Variants in NRAP observed in about 807,000 individuals in gnomAD.
The protein encoded by NRAP is nebulin related anchoring protein.
In NRAP, 189 loss-of-function variants were observed where a neutral mutation model predicts 225.9. The ratio of observed to expected loss-of-function variants is 0.84; its 90% CI spans 0.74 to 0.94. NRAP has a LOEUF of 0.94. NRAP is among the 40% of genes least tolerant of loss of function. NRAP has a pLI of 0.00. For synonymous variants in NRAP, 769 were observed against 790.7 expected (o/e 0.97, Z 0.46); for missense variants, 2,176 against 2,168.7 (o/e 1.00, Z -0.07).
At chr10:113,633,702 T>C (rs1172806366) in intron 15 of NRAP, among the ~76,000 whole-genome samples, 1 of 152,232 alleles carries the variant, frequency 6.6e-6, no homozygotes, top group Non-Finnish European at 1.5e-5. Context: ...GTTAGATTTT[T>C]GATGTGATAT....
At chr10:113,612,180 C>T (rs1019209382) in intron 30 of NRAP, 54 bp downstream of exon 30, 8 of 1,474,556 alleles carry the variant, frequency 5.4e-6, no homozygotes, top group Middle Eastern at 3.8e-4. Flanking sequence ...GAGGTCACCA[C>T]CCTGAGGTCC....
At chr10:113,622,851 G>C (rs1465778333) in intron 23 of NRAP, among the ~76,000 whole-genome samples, 1 of 152,174 alleles carries the variant, frequency 6.6e-6, no homozygotes, top group African/African-American at 2.4e-5. Flanking sequence ...ACAAGATAAA[G>C]AGCTTATGTC....
intron 24 of NRAP, 25 bp downstream of exon 24, chr10:113,621,844 G>A (rs1848008072): frequency 6.3e-7 from 1 of 1,581,232 alleles, no homozygotes; most frequent in African/African-American, 1.3e-5. Context: ...ACACACACAA[G>A]TGCACACACT....
Position 113,657,355 on chromosome 10 carries a change from AC to A in NRAP, c.360+114del, listed in dbSNP as rs1850369621. The stretch of plus-strand genomic sequence containing the variant: ...CTTCCATAGACAGCTGGAATTACAA[AC>A]TGGGTGAAAGGAAACCTACTTGGTT... On this transcript the variant is annotated intron_variant, in intron 4 of 41. Transcript: ENST00000359988. 1.6e-5 allele frequency: 10 copies of A among 642,818 alleles called. No homozygotes were observed. In the South Asian group the frequency reaches 1.9e-4, roughly 12 times the overall value. The allele number at this position is 642,818 out of a possible 1,614,324, so 39.8% of individuals were successfully genotyped here.
At chr10:113,650,243 G>A (rs995982462) in intron 8 of NRAP, 102 bp from the exon 9 acceptor site, 7 of 835,196 alleles carry the variant, frequency 8.4e-6, no homozygotes, top group Non-Finnish European at 1.4e-5. Context: ...TTTCTGCTTG[G>A]ATCTAGGGAG....
chr10:113,641,395 A>G lies in NRAP; in HGVS notation c.1293T>C (p.His431=), dbSNP rs371249910. 7.1e-5 allele frequency: 114 copies of G among 1,613,590 alleles called. 2 individuals are homozygous for G. In the South Asian group the frequency reaches 1.2e-3, roughly 17 times the overall value. ...EGVGMDRRTL[H]AMKVGSLASN... ...TTGCCAGGCTGCCAACTTTCATAGC[A>G]TGCAGAGTGCGTCTGTCCATACCAA... The change falls in exon 13 of 42, where the codon CAT becomes CAC. Residue 431 remains histidine, a synonymous_variant. Coordinates refer to ENST00000359988, the MANE Select transcript of NRAP (RefSeq NM_198060.4).
intron 26 of NRAP, 70 bp from the exon 27 acceptor site, chr10:113,615,886 T>C: frequency 2.3e-6 from 2 of 888,860 alleles, no homozygotes; most frequent in Non-Finnish European, 3.7e-6. Flanking sequence ...AGGTTACGCT[T>C]CAAGAGTCCA....
At position 113,646,929 on chromosome 10, in the gene NRAP, A is replaced by G. The variant is rs1319651200; in HGVS notation, c.987T>C (p.Ala329=). Residue 329 remains alanine, a synonymous_variant, in exon 10 of 42, where the codon GCT becomes GCC. Transcript: ENST00000359988. ...ACACCTACATGGTACTTACGTCACTAGCGAGTTCGTGAGCTTTCTTGGCGT... is the reference window on the plus strand; with the variant it reads ...ACACCTACATGGTACTTACGTCACTGGCGAGTTCGTGAGCTTTCTTGGCGT... ...YQNAKKAHEL[A]SDIKYRQDFN... 6.2e-7 allele frequency: 1 copy of G among 1,611,422 alleles called. No homozygotes were observed. Among genetic ancestry groups the G allele is most frequent in the East Asian group, 2.2e-5 (1 of 44,870 alleles).
chr10:113,651,972 G>T (rs1401056575), intron 6 of NRAP, 65 bp from the exon 7 acceptor site: 20 of 990,256 alleles, frequency 2.0e-5, no homozygotes, highest in Non-Finnish European at 3.3e-5. Context: ...ACCTCTCCCT[G>T]TGGCTCTCCT....
intron 29 of NRAP, among the ~76,000 whole-genome samples, chr10:113,613,927 G>C (rs1239236437): frequency 3.3e-5 from 5 of 152,164 alleles, no homozygotes; most frequent in African/African-American, 1.2e-4. Flanking sequence ...ATCCAGACCA[G>C]TGGCCCATGT....
At position 113,597,143 on chromosome 10, in the gene NRAP, T is replaced by C. The variant is rs369765636; in HGVS notation, c.4374A>G (p.Thr1458=). 6.3e-5 allele frequency: 101 copies of C among 1,613,640 alleles called. No homozygotes were observed. The highest frequency in any genetic ancestry group is 8.5e-5 in the Non-Finnish European group (100 of 1,179,616). The change falls in exon 37 of 42, where the codon ACA becomes ACG. Residue 1458 remains threonine (T), a synonymous_variant. Transcript: ENST00000359988. The part of the protein sequence containing the change: ...RKKPDSIKFT[T]VVDSPDLVHA... ...GAACCAGGTCTGGGGAGTCAACCAC[T>C]GTGGTGAACTTGATACTGTCTGGTT... is the stretch of plus-strand genomic sequence containing the variant.
At position 113,612,095 on chromosome 10, in the gene NRAP, A is replaced by T. The variant is rs184162528; in HGVS notation, c.3498+139T>A. 1.7e-4 allele frequency: 108 copies of T among 647,116 alleles called. No individual in the cohort carries two copies. In the East Asian group the frequency reaches 2.8e-3, roughly 17 times the overall value. The allele number at this position is 647,116 out of a possible 1,614,324, so 40.1% of individuals were successfully genotyped here. On this transcript the variant is annotated intron_variant, in intron 30 of 41. Transcript: ENST00000359988. The stretch of plus-strand genomic sequence containing the variant: ...GCTTAAGGGATGTGCAGGAACTCTC[A>T]GACTGGGTTTCAAAATAAGACTTGG...
At chr10:113,649,774 C>A (rs1195127949) in intron 9 of NRAP, among the ~76,000 whole-genome samples, 2 of 152,166 alleles carry the variant, frequency 1.3e-5, no homozygotes, top group Non-Finnish European at 2.9e-5. Flanking sequence ...GGAATGCTTT[C>A]TTCTTGGCCA....
At chr10:113,589,893 A>C (rs1845851875) in intron 40 of NRAP, 96 bp from the exon 41 acceptor site, 1 of 1,366,236 alleles carries the variant, frequency 7.3e-7, no homozygotes, top group African/African-American at 1.4e-5. Flanking sequence ...CCACAGTATG[A>C]GACTATGTTG....
intron 12 of NRAP, among the ~76,000 whole-genome samples, chr10:113,642,432 C>T (rs551461598): frequency 6.6e-6 from 1 of 152,158 alleles, no homozygotes; most frequent in South Asian, 2.1e-4. Context: ...TAGTATAGGT[C>T]TTTGATGTCC....
At chr10:113,613,662 G>A (rs1314778634) in intron 29 of NRAP, among the ~76,000 whole-genome samples, 1 of 152,068 alleles carries the variant, frequency 6.6e-6, no homozygotes, top group Non-Finnish European at 1.5e-5. Flanking sequence ...CAGGGGCCAG[G>A]CAGGTAGCAT....
chr10:113,651,884 A>G lies in NRAP; in HGVS notation c.594T>C (p.Asp198=). ...ASQVEYKRGH[D]ERISRFSTVV... is the part of the protein sequence containing the mutation. The stretch of plus-strand genomic sequence containing the variant: ...CCGTGGAGAACCTGGAGATGCGTTC[A>G]TCATGCCCTCTCTTATACTCCACCT... Residue 198 remains aspartate, a synonymous_variant, in exon 7 of 42, where the codon GAT becomes GAC. Coordinates refer to ENST00000359988, the MANE Select transcript of NRAP (RefSeq NM_198060.4). The G allele has an allele frequency of 1.2e-6, 2 of 1,612,766 alleles. No homozygotes were observed. Among genetic ancestry groups the G allele is most frequent in the Non-Finnish European group, 1.7e-6 (2 of 1,178,850 alleles).
At chr10:113,618,495 C>G (rs1055161449) in intron 25 of NRAP, among the ~76,000 whole-genome samples, 1 of 152,244 alleles carries the variant, frequency 6.6e-6, no homozygotes, top group Non-Finnish European at 1.5e-5. Flanking sequence ...TGGCCATTTT[C>G]CAGCTAGTTG....
rs764886299 is a variant in NRAP at position 113,629,798 on chromosome 10, A to G, written c.1843-13T>C. 2 of 1,587,554 alleles carry G rather than the reference A, an allele frequency of 1.3e-6. No homozygotes were observed. Among genetic ancestry groups the G allele is most frequent in the Non-Finnish European group, 1.7e-6 (2 of 1,155,862 alleles). ...TCTTATATTCAACCTTGAATATACC[A>G]AAACAAGGCCCGTTTTGTTAGTTGA... On this transcript the variant is annotated splice_polypyrimidine_tract_variant and intron_variant, in intron 18 of 41. Transcript: ENST00000359988.
Sources: allele counts gnomAD v4.1 joint callset (sites outside exome capture counted in the v4.1 genomes callset), GRCh38; gene constraint gnomAD v4.1.1; transcripts MANE v1.5; gene names NCBI Gene and HGNC (gene_info 2026-07-23, HGNC 2026-07-21).